The following UEVLD variants were observed in gnomAD, a reference collection of about 807,000 sequenced individuals.
UEVLD encodes UEV and lactate/malate dehyrogenase domains.
Under a neutral mutation model 58.6 loss-of-function variants are expected in UEVLD, and 47 were observed. The ratio of observed to expected loss-of-function variants is 0.80; its 90% CI spans 0.63 to 1.02. The LOEUF (loss-of-function observed/expected upper bound fraction) is 1.02, where lower values mean the gene tolerates loss of function less well. Ranked by LOEUF, UEVLD falls within the 50% of genes least tolerant of loss-of-function variation. UEVLD has a pLI of 0.00. For missense variants in UEVLD, 510 were observed against 550.6 expected (o/e 0.93, Z 0.74); for synonymous variants, 197 against 195.3 (o/e 1.01, Z -0.07).
intron 9 of UEVLD, among the ~76,000 whole-genome samples, chr11:18,537,578 A>G (rs1481182150): frequency 6.7e-6 from 1 of 150,000 alleles, no homozygotes; most frequent in African/African-American, 2.4e-5. Context: ...TGATTCACCC[A>G]CCTTGGCCTC....
Position 18,558,295 on chromosome 11 carries a change from TGA to T in UEVLD, c.646_647del (p.Ser216ArgfsTer4). The T allele has an allele frequency of 6.2e-7, 1 of 1,613,394 alleles. No individual in the cohort carries two copies. On this transcript the variant is annotated frameshift_variant, in exon 7 of 12. Coordinates refer to ENST00000396197, the MANE Select transcript of UEVLD (RefSeq NM_001040697.4). LOFTEE classifies it high-confidence loss of function. Reference protein sequence around the residue: ...IADRLVLLDLSEGTKGATMDL... With the variant: ...IADRLVLLDLXEGTKGATMDL... ...CCATCGTGGCTCCTTTAGTCCCTTC[TGA>T]GAGGTCTAAGAGGACAAGCCTGTCT...
intron 1 of UEVLD, among the ~76,000 whole-genome samples, chr11:18,584,438 G>T (rs1054966962): frequency 6.6e-6 from 1 of 151,948 alleles, no homozygotes; most frequent in Non-Finnish European, 1.5e-5. Flanking sequence ...CTGGTGAATT[G>T]ACCCACCCAC....
chr11:18,585,978 G>A (rs1853537822), intron 1 of UEVLD, among the ~76,000 whole-genome samples: 1 of 152,086 alleles, frequency 6.6e-6, no homozygotes. Flanking sequence ...GGTTATCCTT[G>A]GCCTTCTGCT....
At chr11:18,585,984 C>A (rs960392136) in intron 1 of UEVLD, among the ~76,000 whole-genome samples, 6 of 152,192 alleles carry the variant, frequency 3.9e-5, no homozygotes, top group Non-Finnish European at 2.9e-5. Flanking sequence ...CCTTGGCCTT[C>A]TGCTCTTCTG....
At chr11:18,582,435 T>C (rs1406922841) in intron 1 of UEVLD, among the ~76,000 whole-genome samples, 1 of 119,142 alleles carries the variant, frequency 8.4e-6, no homozygotes, top group African/African-American at 3.3e-5. Context: ...GGAGACAGGG[T>C]CTCACTATGT....
intron 1 of UEVLD, among the ~76,000 whole-genome samples, chr11:18,583,461 C>T (rs1480256055): frequency 6.6e-6 from 1 of 152,080 alleles, no homozygotes; most frequent in East Asian, 1.9e-4. Context: ...TCAGATGATC[C>T]ACCTGCTTTG....
intron 11 of UEVLD, among the ~76,000 whole-genome samples, chr11:18,533,099 C>A (rs1335401313): frequency 1.4e-5 from 2 of 147,440 alleles, no homozygotes; most frequent in African/African-American, 5.0e-5. Context: ...CTCTATATTG[C>A]CCAAGCTGAT....
At chr11:18,583,204 G>A (rs571567293) in intron 1 of UEVLD, among the ~76,000 whole-genome samples, 19 of 144,676 alleles carry the variant, frequency 1.3e-4, no homozygotes, top group South Asian at 1.1e-3. Flanking sequence ...GATTACAGGC[G>A]TGAGCCATTG....
At chr11:18,535,238 C>G (rs1186374967) in intron 10 of UEVLD, among the ~76,000 whole-genome samples, 1 of 152,088 alleles carries the variant, frequency 6.6e-6, no homozygotes, top group Non-Finnish European at 1.5e-5. Flanking sequence ...CCCATTTCAG[C>G]CTCCTGAGTA....
intron 7 of UEVLD, among the ~76,000 whole-genome samples, chr11:18,549,217 C>A (rs1851425705): frequency 6.6e-6 from 1 of 152,162 alleles, no homozygotes; most frequent in South Asian, 2.1e-4. Context: ...TAGTCCTACA[C>A]CCTCATAAGG....
In UEVLD at chr11:18,529,990, T is replaced by A. The variant is rs533702019; in HGVS notation, c.*2330A>T. ...GAATAGTCAAATTCTAACACAGTAT[T>A]TGGAGTAACAGTAGGTGTTAAATAA... On this transcript the variant is annotated 3_prime_UTR_variant, in exon 12 of 12. Coordinates refer to ENST00000396197, the MANE Select transcript of UEVLD (RefSeq NM_001040697.4). 2 of 152,216 alleles carry A rather than the reference T, an allele frequency of 1.3e-5. No homozygotes were observed. Among genetic ancestry groups the A allele is most frequent in the Non-Finnish European group, 2.9e-5 (2 of 68,024 alleles). The allele number at this position is 152,216 out of a possible 1,614,324, so 9.4% of individuals were successfully genotyped here.
intron 1 of UEVLD, among the ~76,000 whole-genome samples, chr11:18,584,286 G>A (rs1464828625): frequency 6.6e-6 from 1 of 152,128 alleles, no homozygotes; most frequent in Non-Finnish European, 1.5e-5. Context: ...CAGAGGCTGA[G>A]GCAGGAGGAT....
intron 7 of UEVLD, among the ~76,000 whole-genome samples, chr11:18,556,246 G>A (rs1590337799): frequency 6.6e-6 from 1 of 152,182 alleles, no homozygotes; most frequent in African/African-American, 2.4e-5. Flanking sequence ...GAGTTAAGAG[G>A]TCCTTTAAGA....
At chr11:18,555,423 T>C (rs1851716691) in intron 7 of UEVLD, among the ~76,000 whole-genome samples, 1 of 136,582 alleles carries the variant, frequency 7.3e-6, no homozygotes, top group Non-Finnish European at 1.6e-5. Flanking sequence ...GAGACTGTCT[T>C]AAAAAAAAAA....
At chr11:18,537,982 A>C (rs926642311) in intron 9 of UEVLD, among the ~76,000 whole-genome samples, 1 of 152,182 alleles carries the variant, frequency 6.6e-6, no homozygotes, top group Non-Finnish European at 1.5e-5. Flanking sequence ...TATTAAATTG[A>C]AGTTGCCAGT....
chr11:18,586,164 C>T (rs917133403), intron 1 of UEVLD, among the ~76,000 whole-genome samples: 2 of 152,208 alleles, frequency 1.3e-5, no homozygotes, highest in Admixed American at 6.5e-5. Context: ...ACTTCTCCAT[C>T]GATTTTTTCT....
At chr11:18,579,589 T>C (rs1293399145) in intron 1 of UEVLD, 3 of 705,132 alleles carry the variant, frequency 4.3e-6, no homozygotes, top group Non-Finnish European at 5.2e-6. Context: ...AACAAAAGCA[T>C]GCAAGTTTTG....
intron 1 of UEVLD, among the ~76,000 whole-genome samples, chr11:18,584,318 G>A (rs1853424168): frequency 1.3e-5 from 2 of 152,236 alleles, no homozygotes; most frequent in South Asian, 4.1e-4. Flanking sequence ...AAGAGTTTGA[G>A]GCTGCAGTAA....
chr11:18,539,992 A>C (rs6486434), intron 9 of UEVLD, among the ~76,000 whole-genome samples: 56,445 of 152,070 alleles, frequency 0.37, 11,029 homozygotes, highest in East Asian at 0.66. Flanking sequence ...TCAAAGAGTT[A>C]TTTTACATGT....
Sources: allele counts gnomAD v4.1 joint callset (sites outside exome capture counted in the v4.1 genomes callset), GRCh38; gene constraint gnomAD v4.1.1; transcripts MANE v1.5; gene names NCBI Gene and HGNC (gene_info 2026-07-23, HGNC 2026-07-21).